Variants in RAPH1 observed in about 807,000 individuals in gnomAD.
RAPH1 encodes the protein Ras association (RalGDS/AF-6) and pleckstrin homology domains 1.
RAPH1 carries 18 observed loss-of-function variants against 88.1 expected under a neutral mutation model. The ratio of observed to expected loss-of-function variants is 0.20; its 90% CI spans 0.14 to 0.30. The LOEUF is 0.30. Ranked by LOEUF, RAPH1 falls within the 10% of genes least tolerant of loss-of-function variation. The probability of loss-of-function intolerance (pLI) is 1.00; values close to 1 mark genes in which losing one functional copy is unlikely to be tolerated. For missense variants in RAPH1, 1,448 were observed against 1,543.2 expected (o/e 0.94, Z 1.03); for synonymous variants, 587 against 559.0 (o/e 1.05, Z -0.71).
At position 203,439,710 on chromosome 2, in the gene RAPH1, A is replaced by G. The variant is rs201942979; in HGVS notation, c.3480T>C (p.Ser1160=). The change falls in exon 14 of 14, where the codon AGT becomes AGC. Residue 1160 remains serine, a synonymous_variant. Coordinates refer to ENST00000319170, the MANE Select transcript of RAPH1 (RefSeq NM_213589.3). ...GGTCAGCCAGGAATCCAGGCTGGACACTAAGGCTGGATTTGGGAGAGGTGG... is the reference window on the plus strand; with the variant it reads ...GGTCAGCCAGGAATCCAGGCTGGACGCTAAGGCTGGATTTGGGAGAGGTGG... The part of the protein sequence containing the change: ...QVPTSPKSSL[S]VQPGFLADLN... The G allele has an allele frequency of 4.3e-6, 7 of 1,614,024 alleles. No homozygotes were observed. The African/African-American group carries it at 8.0e-5, about 18-fold the overall frequency.
chr2:203,535,291 TGACTG>T lies in RAPH1; in HGVS notation c.-186_-182del. Reference sequence around the variant, plus strand: ...CTGACTGACTGACTGACTGACTGACTGACTGACTGGCGGGCGGCGGCGGGAGCGGG... The same window carrying T: ...CTGACTGACTGACTGACTGACTGACTACTGGCGGGCGGCGGCGGGAGCGGG... On this transcript the variant is annotated 5_prime_UTR_variant, in exon 1 of 14. Coordinates refer to ENST00000319170, the MANE Select transcript of RAPH1 (RefSeq NM_213589.3). 6.6e-6 allele frequency: 1 copy of T among 150,446 alleles called. No homozygotes were observed. The highest frequency in any genetic ancestry group is 1.8e-4 in the South Asian group (1 of 5,610). 9.3% of individuals were successfully genotyped at this position (150,446 alleles called of 1,614,324 possible).
At chr2:203,457,688 G>A in intron 7 of RAPH1, 93 bp from the exon 8 acceptor site, 2 of 933,824 alleles carry the variant, frequency 2.1e-6, no homozygotes, top group Non-Finnish European at 3.5e-6. Flanking sequence ...GCACAGGTGT[G>A]TGTATGTTTT....
In RAPH1 at chr2:203,439,216, T is replaced by G. The variant is rs566128938; in HGVS notation, c.*221A>C. The G allele has an allele frequency of 1.5e-5, 7 of 466,758 alleles. No homozygotes were observed. In the East Asian group the frequency reaches 2.2e-4, roughly 14 times the overall value. 28.9% of individuals were successfully genotyped at this position (466,758 alleles called of 1,614,324 possible). A position where few individuals can be genotyped will look rare whatever the true frequency, so the allele number is the denominator to read the frequency against. On this transcript the variant is annotated 3_prime_UTR_variant, in exon 14 of 14. Transcript: ENST00000319170. ...AGGAATAAATAGAATAACTCTCAGC[T>G]CTCTCTCTATATACACATACACATA...
chr2:203,510,969 T>C (rs1689315719), intron 1 of RAPH1, among the ~76,000 whole-genome samples: 1 of 152,162 alleles, frequency 6.6e-6, no homozygotes, highest in African/African-American at 2.4e-5. Flanking sequence ...TTTAAGTGTG[T>C]GCTAGTTAAA....
intron 7 of RAPH1, 116 bp from the exon 8 acceptor site, chr2:203,457,711 T>C (rs1001548572): frequency 8.8e-6 from 7 of 795,378 alleles, no homozygotes; most frequent in Middle Eastern, 2.3e-4. Flanking sequence ...TCTAGAGAAA[T>C]AGCAACTCTG....
chr2:203,455,142 T>C (rs1369762790), intron 9 of RAPH1, among the ~76,000 whole-genome samples: 2 of 152,192 alleles, frequency 1.3e-5, no homozygotes, highest in Non-Finnish European at 2.9e-5. Flanking sequence ...GCTGTGCTGT[T>C]CTTCCCAAAC....
At chr2:203,449,150 T>C (rs112497286) in intron 10 of RAPH1, among the ~76,000 whole-genome samples, 21 of 152,372 alleles carry the variant, frequency 1.4e-4, no homozygotes, top group East Asian at 9.6e-4. Context: ...ACAGAGTCCA[T>C]AGAATTCTCC....
intron 4 of RAPH1, 33 bp downstream of exon 4, chr2:203,489,551 C>T (rs1242159827): frequency 7.1e-7 from 1 of 1,403,432 alleles, no homozygotes; most frequent in Non-Finnish European, 9.4e-7. Flanking sequence ...ATTTTAATAA[C>T]AAAATACCAG....
intron 10 of RAPH1, among the ~76,000 whole-genome samples, chr2:203,450,898 T>G (rs957005735): frequency 1.9e-3 from 250 of 129,876 alleles, no homozygotes; most frequent in African/African-American, 8.6e-3. Context: ...AAAAAGAGGG[T>G]TTTTTTTTTT....
chr2:203,463,707 A>G (rs1336773941), intron 4 of RAPH1, among the ~76,000 whole-genome samples: 1 of 152,210 alleles, frequency 6.6e-6, no homozygotes. Context: ...TTCTTATACT[A>G]TTATATATTC....
intron 1 of RAPH1, among the ~76,000 whole-genome samples, chr2:203,527,525 G>A (rs1382038919): frequency 3.3e-5 from 5 of 152,008 alleles, no homozygotes; most frequent in Non-Finnish European, 7.4e-5. Context: ...TGTGCTGGCC[G>A]TGGTAGCTCA....
Position 203,435,062 on chromosome 2 carries a change from A to C in RAPH1, c.*4375T>G, listed in dbSNP as rs2098497314. On this transcript the variant is annotated 3_prime_UTR_variant, in exon 14 of 14. Transcript: ENST00000319170. Reference sequence around the variant, plus strand: ...TCTCTTTAAAACGGTTTATTACTTCAACAAGCAAAGAGCAAACCAACTGGA... The same window carrying C: ...TCTCTTTAAAACGGTTTATTACTTCCACAAGCAAAGAGCAAACCAACTGGA... 1 of 152,646 alleles carries C rather than the reference A, an allele frequency of 6.6e-6. No individual in the cohort carries two copies. Among genetic ancestry groups the C allele is most frequent in the African/African-American group, 2.4e-5 (1 of 41,450 alleles). The allele number at this position is 152,646 out of a possible 1,614,324, so 9.5% of individuals were successfully genotyped here.
intron 2 of RAPH1, among the ~76,000 whole-genome samples, chr2:203,492,946 C>G (rs1484012359): frequency 6.6e-6 from 1 of 152,134 alleles, no homozygotes; most frequent in African/African-American, 2.4e-5. Flanking sequence ...CTACCTAAAA[C>G]TTAAACTTGT....
At position 203,455,597 on chromosome 2, in the gene RAPH1, A is replaced by T. The variant is rs377160313; in HGVS notation, c.1159-17T>A. 73 of 1,609,728 alleles carry T rather than the reference A, an allele frequency of 4.5e-5. No homozygotes were observed. The highest frequency in any genetic ancestry group is 6.1e-5 in the Non-Finnish European group (72 of 1,177,636). ...AAAACATTCCTAAAATAACAAGATT[A>T]TTTGCAAAGACTTATGATCGTTGGA... is the stretch of plus-strand genomic sequence containing the variant. On this transcript the variant is annotated splice_polypyrimidine_tract_variant and intron_variant, in intron 8 of 13. Coordinates refer to ENST00000319170, the MANE Select transcript of RAPH1 (RefSeq NM_213589.3).
intron 4 of RAPH1, among the ~76,000 whole-genome samples, chr2:203,467,388 C>G (rs1355616262): frequency 6.6e-6 from 1 of 151,674 alleles, no homozygotes; most frequent in Non-Finnish European, 1.5e-5. Flanking sequence ...GTCAGGAGTT[C>G]AGGACCAGCC....
chr2:203,530,182 A>G (rs1213890227), intron 1 of RAPH1, among the ~76,000 whole-genome samples: 3 of 152,244 alleles, frequency 2.0e-5, no homozygotes, highest in African/African-American at 7.2e-5. Context: ...CAAGAAGAGC[A>G]TATGAAAAAG....
At chr2:203,456,888 A>G (rs2098520012) in intron 8 of RAPH1, among the ~76,000 whole-genome samples, 1 of 152,158 alleles carries the variant, frequency 6.6e-6, no homozygotes, top group Admixed American at 6.5e-5. Flanking sequence ...GTGAACAGCT[A>G]ATTATATTCA....
Position 203,439,257 on chromosome 2 carries a change from A to G in RAPH1, c.*180T>C, listed in dbSNP as rs1035155089. ...CATACACATACATATATGTATACAT[A>G]TATACACACACTGTACAGCTGTGTG... is the stretch of plus-strand genomic sequence containing the variant. On this transcript the variant is annotated 3_prime_UTR_variant, in exon 14 of 14. Coordinates refer to ENST00000319170, the MANE Select transcript of RAPH1 (RefSeq NM_213589.3). 1 of 595,614 alleles carries G rather than the reference A, an allele frequency of 1.7e-6. No homozygotes were observed. Among genetic ancestry groups the G allele is most frequent in the South Asian group, 2.0e-5 (1 of 49,042 alleles). 36.9% of individuals were successfully genotyped at this position (595,614 alleles called of 1,614,324 possible). A position where few individuals can be genotyped will look rare whatever the true frequency, so the allele number is the denominator to read the frequency against.
intron 2 of RAPH1, among the ~76,000 whole-genome samples, chr2:203,493,092 C>CTTT (rs1688345934): frequency 6.6e-6 from 1 of 152,178 alleles, no homozygotes; most frequent in Non-Finnish European, 1.5e-5. Context: ...TCAAACATCT[C>CTTT]TTGAAAATGT....
Sources: gnomAD v4.1 joint callset for allele counts (sites outside exome capture counted in the v4.1 genomes callset) on GRCh38, gnomAD v4.1.1 for gene constraint, MANE v1.5 for transcripts, NCBI Gene and HGNC (gene_info 2026-07-23, HGNC 2026-07-21) for gene names.